The following ELN variants were observed in gnomAD, a reference collection of about 807,000 sequenced individuals.
The protein encoded by ELN is tropoelastin.
Under a neutral mutation model 105.8 loss-of-function variants are expected in ELN, and 65 were observed. The observed-to-expected ratio is 0.61, with a 90% CI of 0.50 to 0.75. The LOEUF is 0.75. Ranked by LOEUF, ELN falls within the 30% of genes least tolerant of loss-of-function variation. The pLI, the probability that ELN is intolerant of heterozygous loss-of-function variation, is 0.00. For missense variants in ELN, 882 were observed against 969.4 expected (o/e 0.91, Z 1.20); for synonymous variants, 368 against 389.2 (o/e 0.95, Z 0.64).
At chr7:74,048,071 G>A in intron 13 of ELN, 71 bp from the exon 14 acceptor site, 1 of 1,596,866 alleles carries the variant, frequency 6.3e-7, no homozygotes, top group South Asian at 1.1e-5. Context: ...CCCGAGGGCA[G>A]AGCAGGGGGA....
rs1583798166 is a variant in ELN at position 74,046,276 on chromosome 7, G to T, written c.571+59G>T. On this transcript the variant is annotated intron_variant, in intron 11 of 32. Transcript: ENST00000252034. Reference sequence around the variant, plus strand: ...CAGCCAGGCAGAGGCTCTGGCGTTGGGAGGGGTTGGGCACCCAAGATCCCA... The same window carrying T: ...CAGCCAGGCAGAGGCTCTGGCGTTGTGAGGGGTTGGGCACCCAAGATCCCA... The T allele has an allele frequency of 1.9e-6, 3 of 1,612,062 alleles. No individual in the cohort carries two copies. In the East Asian group the frequency reaches 6.7e-5, roughly 36 times the overall value.
intron 10 of ELN, 72 bp downstream of exon 10, chr7:74,045,365 G>T (rs1350045778): frequency 6.4e-7 from 1 of 1,569,364 alleles, no homozygotes; most frequent in African/African-American, 1.3e-5. Context: ...GGTGTGAAAT[G>T]GGGTGGGATC....
At chr7:74,038,284 G>T (rs782179740) in intron 4 of ELN, among the ~76,000 whole-genome samples, 21 of 152,166 alleles carry the variant, frequency 1.4e-4, no homozygotes, top group Non-Finnish European at 2.9e-5. Flanking sequence ...CCCAAGCCCT[G>T]AGCCTAATCC....
intron 1 of ELN, 75 bp downstream of exon 1, chr7:74,028,344 A>AG: frequency 1.3e-6 from 2 of 1,510,424 alleles, no homozygotes; most frequent in East Asian, 2.4e-5. Flanking sequence ...TAGACGCTCA[A>AG]GGGGGAGACC....
Position 74,057,666 on chromosome 7 carries a change from G to A in ELN, c.1384G>A (p.Ala462Thr), listed in dbSNP as rs1301823824. ...AGTGGGGACCCCAGCAGCTGCAGCT[G>A]CTAAAGCAGCCGCCAAAGCCGCCCA... The part of the protein sequence containing the change: ...YGVGTPAAAA[A>T]KAAAKAAQFG... Residue 462 changes from alanine (A) to threonine (T), a missense_variant, in exon 22 of 33, where the codon GCT becomes ACT. Coordinates refer to ENST00000252034, the MANE Select transcript of ELN (RefSeq NM_000501.4). The A allele has an allele frequency of 1.2e-6, 2 of 1,613,620 alleles. No individual in the cohort carries two copies. The highest frequency in any genetic ancestry group is 1.3e-5 in the African/African-American group (1 of 74,898).
chr7:74,028,413 G>A (rs1034543502), intron 1 of ELN, 144 bp downstream of exon 1: 42 of 939,110 alleles, frequency 4.5e-5, no homozygotes, highest in South Asian at 4.5e-5. Flanking sequence ...CTGGGTCCTC[G>A]GAACTGCCCC....
rs543474970 is a variant in ELN, at chr7:74,048,339, T to G, written c.745+138T>G. 292 of 1,509,956 alleles carry G rather than the reference T, an allele frequency of 1.9e-4. 4 individuals carry two copies. In the South Asian group the frequency reaches 3.1e-3, roughly 16 times the overall value. 93.5% of individuals were successfully genotyped at this position (1,509,956 alleles called of 1,614,324 possible). The stretch of plus-strand genomic sequence containing the variant: ...ACCCTGGTCCAAACCTGGAGCAGGA[T>G]CCTGGGGGAGGAGTGGGGCAGCTCC... On this transcript the variant is annotated intron_variant, in intron 14 of 32. Transcript: ENST00000252034.
intron 11 of ELN, 48 bp from the exon 12 acceptor site, chr7:74,046,647 GT>G (rs1792596612): frequency 6.2e-7 from 1 of 1,606,152 alleles, no homozygotes; most frequent in Non-Finnish European, 8.5e-7. Flanking sequence ...GTGGCGGAGG[GT>G]TTGGAAGGGG....
intron 8 of ELN, 104 bp downstream of exon 8, chr7:74,043,272 AG>A (rs1232139131): frequency 2.4e-5 from 36 of 1,499,366 alleles, no homozygotes; most frequent in Non-Finnish European, 3.2e-5. Context: ...GAGGAAGGGC[AG>A]GGCCTGGCTT....
chr7:74,047,197 A>G (rs1792778028), intron 12 of ELN, among the ~76,000 whole-genome samples: 1 of 152,162 alleles, frequency 6.6e-6, no homozygotes, highest in Non-Finnish European at 1.5e-5. Context: ...AAGCCCCTGT[A>G]TGGTCACCAG....
intron 1 of ELN, among the ~76,000 whole-genome samples, chr7:74,034,866 C>T (rs894620647): frequency 1.3e-5 from 2 of 152,070 alleles, no homozygotes; most frequent in African/African-American, 4.8e-5. Flanking sequence ...TTTGGGAGGC[C>T]GAGGCAGGCA....
In ELN at chr7:74,060,605, A is replaced by G. The variant is rs1274104400; in HGVS notation, c.1747+104A>G. The G allele has an allele frequency of 4.4e-6, 7 of 1,586,338 alleles. No individual in the cohort carries two copies. The highest frequency in any genetic ancestry group is 1.3e-5 in the African/African-American group (1 of 74,398). On this transcript the variant is annotated intron_variant, in intron 25 of 32. Transcript: ENST00000252034. ...GCACCCCCTCATCACCCAGGGGTGCATAGTAAAATCCTTGTTAGGTTCTCC... is the reference window on the plus strand; with the variant it reads ...GCACCCCCTCATCACCCAGGGGTGCGTAGTAAAATCCTTGTTAGGTTCTCC...
intron 1 of ELN, among the ~76,000 whole-genome samples, chr7:74,028,906 T>C (rs1319329673): frequency 2.6e-5 from 4 of 151,922 alleles, no homozygotes; most frequent in African/African-American, 9.7e-5. Flanking sequence ...ATGAGCGTGC[T>C]GTGTGCTCGT....
intron 9 of ELN, among the ~76,000 whole-genome samples, chr7:74,044,489 G>A (rs532748893): frequency 2.4e-4 from 36 of 152,244 alleles, no homozygotes; most frequent in Non-Finnish European, 5.0e-4. Context: ...CACAGCCCGA[G>A]GCGGGCCCCC....
chr7:74,050,307 A>G (rs1250176697), intron 15 of ELN, among the ~76,000 whole-genome samples: 2 of 150,924 alleles, frequency 1.3e-5, no homozygotes, highest in Non-Finnish European at 2.9e-5. Context: ...TCCTCCATGC[A>G]TCCATTCCTC....
intron 3 of ELN, among the ~76,000 whole-genome samples, chr7:74,036,947 A>T (rs1790097329): frequency 6.6e-6 from 1 of 151,832 alleles, no homozygotes; most frequent in Admixed American, 6.6e-5. Flanking sequence ...CAGCCTCCCA[A>T]TTAGCGAGGA....
chr7:74,048,654 A>AC, intron 15 of ELN, 98 bp downstream of exon 15: 1 of 1,428,732 alleles, frequency 7.0e-7, no homozygotes, highest in Non-Finnish European at 9.7e-7. Flanking sequence ...GCCCCTACAT[A>AC]CCCCCATTTA....
chr7:74,066,249 G>C (rs1030379722), intron 31 of ELN, among the ~76,000 whole-genome samples: 6 of 152,218 alleles, frequency 3.9e-5, no homozygotes, highest in Admixed American at 6.5e-5. Flanking sequence ...GGCATGTTGT[G>C]TTGAGAAAGC....
chr7:74,042,922 C>T, intron 6 of ELN, 62 bp from the exon 7 acceptor site: 1 of 1,612,600 alleles, frequency 6.2e-7, no homozygotes, highest in Non-Finnish European at 8.5e-7. Flanking sequence ...AGCATGCAGC[C>T]CCGGGCCCTT....
Sources: allele counts gnomAD v4.1 joint callset (sites outside exome capture counted in the v4.1 genomes callset), GRCh38; gene constraint gnomAD v4.1.1; transcripts MANE v1.5; gene names NCBI Gene and HGNC (gene_info 2026-07-23, HGNC 2026-07-21).